CSMD2: variants seen among roughly 807,000 people sequenced by gnomAD.
CSMD2 encodes the protein CUB and Sushi multiple domains 2, also known as CUB and sushi domain-containing protein 2.
Under a neutral mutation model 398.5 loss-of-function variants are expected in CSMD2, and 130 were observed. The observed-to-expected ratio is 0.33, with a 90% CI of 0.28 to 0.38. CSMD2 has a LOEUF of 0.38. CSMD2 is among the 10% of genes least tolerant of loss of function. The pLI, the probability that CSMD2 is intolerant of heterozygous loss-of-function variation, is 1.00. For synonymous variants in CSMD2, 1,828 were observed against 1,908.5 expected (o/e 0.96, Z 1.10); for missense variants, 3,829 against 4,764.9 (o/e 0.80, Z 5.78).
intron 22 of CSMD2, among the ~76,000 whole-genome samples, chr1:33,708,768 A>G (rs533693508): frequency 6.6e-6 from 1 of 152,050 alleles, no homozygotes; most frequent in Admixed American, 6.5e-5. Flanking sequence ...CACCCAGCTA[A>G]TTTTTGTATT....
At chr1:33,688,622 C>T (rs746045968) in intron 25 of CSMD2, among the ~76,000 whole-genome samples, 72 of 151,962 alleles carry the variant, frequency 4.7e-4, no homozygotes, top group Non-Finnish European at 9.4e-4. Context: ...GCCAGGAGTT[C>T]GAGACCAGCC....
At chr1:33,890,866 C>A (rs928910376) in intron 5 of CSMD2, among the ~76,000 whole-genome samples, 45 of 152,158 alleles carry the variant, frequency 3.0e-4, no homozygotes, top group African/African-American at 1.1e-3. Context: ...AAACTGGATC[C>A]CTTCCTTACA....
At chr1:33,525,741 A>G (rs1654712369) in intron 65 of CSMD2, among the ~76,000 whole-genome samples, 1 of 152,162 alleles carries the variant, frequency 6.6e-6, no homozygotes, top group Non-Finnish European at 1.5e-5. Flanking sequence ...CTGGAGTGCA[A>G]TGGTGTGATC....
intron 4 of CSMD2, among the ~76,000 whole-genome samples, chr1:33,935,058 A>C (rs1239833317): frequency 1.3e-5 from 2 of 151,326 alleles, no homozygotes; most frequent in East Asian, 3.9e-4. Flanking sequence ...GAAAGAAAAA[A>C]GAAAGGAAGA....
chr1:34,019,379 A>C (rs1228964001), intron 3 of CSMD2, among the ~76,000 whole-genome samples: 1 of 152,240 alleles, frequency 6.6e-6, no homozygotes. Flanking sequence ...TTGTTCAATC[A>C]GTTACAGTCA....
In CSMD2 at chr1:33,569,530, G is replaced by C. The variant is rs34850622; in HGVS notation, c.7975C>G (p.Leu2659Val). Reference protein sequence around the residue: ...PTCRIISCGELPIPPNGHRIG... With the variant: ...PTCRIISCGEVPIPPNGHRIG... ...CGGTGGCCATTGGGGGGAATCGGGAGCTCTCCACAGGAGATGACTAAAATG... is the reference window on the plus strand; with the variant it reads ...CGGTGGCCATTGGGGGGAATCGGGACCTCTCCACAGGAGATGACTAAAATG... The change falls in exon 52 of 71, where the codon CTC becomes GTC. Residue 2659 changes from leucine to valine, a missense_variant. Leu to Val is a conservative substitution (Grantham distance 32). Transcript: ENST00000373381. 7.9e-3 allele frequency: 12,702 copies of C among 1,614,038 alleles called. 892 individuals are homozygous for C. The African/African-American group carries it at 0.15, about 19-fold the overall frequency.
At chr1:33,728,707 G>A (rs968835120) in intron 15 of CSMD2, among the ~76,000 whole-genome samples, 24 of 152,148 alleles carry the variant, frequency 1.6e-4, no homozygotes, top group Non-Finnish European at 1.8e-4. Context: ...CATGTGTATC[G>A]ATAACTTACT....
At position 33,959,751 on chromosome 1, in the gene CSMD2, C is replaced by T. The variant is rs541625324; in HGVS notation, c.518-23797G>A. On this transcript the variant is annotated intron_variant, in intron 3 of 70. Coordinates refer to ENST00000373381, the MANE Select transcript of CSMD2 (RefSeq NM_001281956.2). ...GGTCTCTTTTCAAGGGTCAGCTCCT[C>T]CAGGAAGCCCTCCCAGACTGCCCTG... Among the ~76,000 whole-genome samples the T allele has an allele frequency of 3.3e-5, 5 of 152,272 alleles. No individual in the cohort carries two copies. In the South Asian group the frequency reaches 1.0e-3, roughly 32 times the overall value.
chr1:33,702,642 TATA>T (rs1645648188), intron 22 of CSMD2, among the ~76,000 whole-genome samples: 1 of 152,190 alleles, frequency 6.6e-6, no homozygotes, highest in African/African-American at 2.4e-5. Context: ...TTTCACTTAA[TATA>T]ATGTGTATAT....
chr1:33,950,490 C>T (rs1454472019), intron 3 of CSMD2, among the ~76,000 whole-genome samples: 3 of 147,388 alleles, frequency 2.0e-5, no homozygotes, highest in Admixed American at 6.9e-5. Context: ...TCTATATATG[C>T]ATGTAAACTG....
intron 5 of CSMD2, among the ~76,000 whole-genome samples, chr1:33,906,256 G>A (rs922010020): frequency 1.3e-5 from 2 of 152,232 alleles, no homozygotes; most frequent in African/African-American, 4.8e-5. Context: ...ACTTAGGCAA[G>A]GGTTAGATCC....
chr1:33,973,197 G>T (rs1041539319), intron 3 of CSMD2, among the ~76,000 whole-genome samples: 1 of 152,204 alleles, frequency 6.6e-6, no homozygotes, highest in Non-Finnish European at 1.5e-5. Flanking sequence ...CTTAGGATGT[G>T]CTGGGCCTAT....
chr1:33,667,967 A>T (rs1247572124), intron 25 of CSMD2, among the ~76,000 whole-genome samples: 2 of 152,196 alleles, frequency 1.3e-5, no homozygotes, highest in Admixed American at 6.5e-5. Context: ...TCACTAAAAA[A>T]TTATCAGCTG....
chr1:33,907,117 T>G (rs1325075889), intron 5 of CSMD2, among the ~76,000 whole-genome samples: 1 of 11,966 alleles, frequency 8.4e-5, no homozygotes, highest in African/African-American at 2.7e-3. Flanking sequence ...ATGATTATCT[T>G]TTTTTTTTTT....
intron 25 of CSMD2, among the ~76,000 whole-genome samples, chr1:33,678,090 C>G (rs750630634): frequency 2.6e-5 from 4 of 151,784 alleles, no homozygotes; most frequent in African/African-American, 9.7e-5. Context: ...CACATATACC[C>G]TAAAACTTAA....
At position 33,587,526 on chromosome 1, in the gene CSMD2, C is replaced by T. The variant is rs146131608; in HGVS notation, c.6857-358G>A. On this transcript the variant is annotated intron_variant, in intron 44 of 70. Transcript: ENST00000373381. ...TGCTGTGAGGTGCTCTTACTCTACT[C>T]GTGAGCAAGTGAGATTCAGAAAGGT... 1.3e-4 allele frequency among the ~76,000 whole-genome samples: 20 copies of T among 152,272 alleles called. No individual in the cohort carries two copies. The East Asian group carries it at 3.3e-3, about 25-fold the overall frequency.
intron 5 of CSMD2, chr1:33,860,629 G>A (rs1639430868): frequency 1.3e-5 from 2 of 152,174 alleles, no homozygotes; most frequent in African/African-American, 4.8e-5. Context: ...TAATCCTCAT[G>A]GCTTTATTAT....
At chr1:33,953,393 CCT>C (rs1189140140) in intron 3 of CSMD2, among the ~76,000 whole-genome samples, 1 of 152,082 alleles carries the variant, frequency 6.6e-6, no homozygotes, top group South Asian at 2.1e-4. Flanking sequence ...CTCACATGCC[CCT>C]GAATCCTCGC....
chr1:34,074,513 C>T (rs1388334895), intron 2 of CSMD2, among the ~76,000 whole-genome samples: 1 of 152,122 alleles, frequency 6.6e-6, no homozygotes, highest in East Asian at 1.9e-4. Flanking sequence ...TTTCTTGGCT[C>T]GAAACACTCT....
Sources: gnomAD v4.1 joint callset for allele counts (sites outside exome capture counted in the v4.1 genomes callset) on GRCh38, gnomAD v4.1.1 for gene constraint, MANE v1.5 for transcripts, NCBI Gene and HGNC (gene_info 2026-07-23, HGNC 2026-07-21) for gene names.